SORCS3: variants seen among roughly 807,000 people sequenced by gnomAD.
SORCS3 encodes sortilin related VPS10 domain containing receptor 3, also known as VPS10 domain-containing receptor SorCS3.
SORCS3 carries 57 observed loss-of-function variants against 146.3 expected under a neutral mutation model. The ratio of observed to expected loss-of-function variants is 0.39; its 90% CI spans 0.31 to 0.49. The LOEUF (loss-of-function observed/expected upper bound fraction) is 0.49. Among genes scored for constraint, SORCS3 ranks in the 20% least tolerant of loss-of-function variants. The probability of loss-of-function intolerance (pLI) is 0.92; values close to 1 mark genes in which losing one functional copy is unlikely to be tolerated. For missense variants in SORCS3, 1,341 were observed against 1,575.5 expected, an observed-to-expected ratio of 0.85 and a Z score of 2.52; for synonymous variants, 653 against 618.5, an observed-to-expected ratio of 1.06 and a Z score of -0.83.
intron 4 of SORCS3, among the ~76,000 whole-genome samples, chr10:104,980,663 G>A (rs1481921155): frequency 3.9e-5 from 6 of 152,166 alleles, no homozygotes; most frequent in Admixed American, 2.6e-4. Flanking sequence ...CCATTATTGT[G>A]CCTTTGATGA....
At chr10:104,989,514 T>G (rs904334355) in intron 4 of SORCS3, among the ~76,000 whole-genome samples, 6 of 152,194 alleles carry the variant, frequency 3.9e-5, no homozygotes, top group African/African-American at 1.4e-4. Context: ...TCTGGAATTT[T>G]TCTTTTGTAA....
At chr10:105,014,156 T>C (rs1405921645) in intron 4 of SORCS3, among the ~76,000 whole-genome samples, 1 of 149,804 alleles carries the variant, frequency 6.7e-6, no homozygotes, top group Non-Finnish European at 1.5e-5. Context: ...ATAAAAAAAT[T>C]CGCATAGCAA....
At chr10:105,105,333 G>T in intron 6 of SORCS3, 64 bp from the exon 7 acceptor site, 1 of 1,004,514 alleles carries the variant, frequency 1.0e-6, no homozygotes, top group Non-Finnish European at 1.6e-6. Context: ...AGTTTTGTAT[G>T]CTACCTGGGG....
rs2015929357 is a variant in SORCS3 at position 104,677,904 on chromosome 10, A to G, written c.627+35950A>G. On this transcript the variant is annotated intron_variant, in intron 1 of 26. Coordinates refer to ENST00000369701, the MANE Select transcript of SORCS3 (RefSeq NM_014978.3). ...CTGCATATGCTTAGCAAAGAGGACCAATCTCATTATTACATTTAAAATATT... is the reference window on the plus strand; with the variant it reads ...CTGCATATGCTTAGCAAAGAGGACCGATCTCATTATTACATTTAAAATATT... Among the ~76,000 whole-genome samples the G allele has an allele frequency of 2.0e-5, 3 of 152,292 alleles. No homozygotes were observed. In the South Asian group the frequency reaches 6.2e-4, roughly 32 times the overall value.
chr10:104,911,245 C>T (rs576964158), intron 2 of SORCS3, among the ~76,000 whole-genome samples: 9 of 152,230 alleles, frequency 5.9e-5, no homozygotes, highest in Non-Finnish European at 1.0e-4. Flanking sequence ...GAGTCGAGGG[C>T]ACTGTTGGTT....
intron 16 of SORCS3, among the ~76,000 whole-genome samples, chr10:105,204,272 T>G (rs2119623435): frequency 6.6e-6 from 1 of 152,234 alleles, no homozygotes; most frequent in Admixed American, 6.5e-5. Context: ...AAGTGCAGAT[T>G]TAGTTAAATT....
intron 4 of SORCS3, among the ~76,000 whole-genome samples, chr10:105,019,654 A>C (rs1276809075): frequency 2.6e-5 from 4 of 152,180 alleles, no homozygotes; most frequent in African/African-American, 9.7e-5. Flanking sequence ...GCTATTTATC[A>C]AGTGTCTCCT....
At chr10:105,260,451 G>T (rs1228346297) in intron 25 of SORCS3, among the ~76,000 whole-genome samples, 1 of 152,210 alleles carries the variant, frequency 6.6e-6, no homozygotes, top group East Asian at 1.9e-4. Flanking sequence ...AGAGAGCCTA[G>T]TGTGCTGCCT....
intron 7 of SORCS3, among the ~76,000 whole-genome samples, chr10:105,111,848 A>G (rs11192318): frequency 0.19 from 29,284 of 152,142 alleles, 3,029 homozygotes; most frequent in Admixed American, 0.24. Context: ...ATGAGTACGA[A>G]TTAAGTAGGT....
intron 4 of SORCS3, among the ~76,000 whole-genome samples, chr10:105,018,695 A>G (rs994823574): frequency 6.6e-6 from 1 of 152,222 alleles, no homozygotes; most frequent in African/African-American, 2.4e-5. Flanking sequence ...ACAAAATTGA[A>G]TTGAATTGTC....
At chr10:104,656,094 C>A (rs1042448470) in intron 1 of SORCS3, among the ~76,000 whole-genome samples, 1 of 152,104 alleles carries the variant, frequency 6.6e-6, no homozygotes, top group South Asian at 2.1e-4. Flanking sequence ...AGGTACATGA[C>A]AACACTAGGG....
chr10:104,743,359 C>T (rs1351024405), intron 1 of SORCS3, among the ~76,000 whole-genome samples: 1 of 152,228 alleles, frequency 6.6e-6, no homozygotes, highest in Non-Finnish European at 1.5e-5. Flanking sequence ...CTCCTACAAG[C>T]TGCTAACAAT....
intron 20 of SORCS3, among the ~76,000 whole-genome samples, chr10:105,239,719 G>T (rs1421230340): frequency 6.6e-6 from 1 of 152,160 alleles, no homozygotes; most frequent in Admixed American, 6.5e-5. Context: ...GGCTCTGAAA[G>T]GCCAATTTGC....
At chr10:104,970,372 C>T (rs1364067539) in intron 3 of SORCS3, among the ~76,000 whole-genome samples, 1 of 152,156 alleles carries the variant, frequency 6.6e-6, no homozygotes, top group African/African-American at 2.4e-5. Context: ...GTCTTGAACT[C>T]CTGACCTGAA....
intron 2 of SORCS3, among the ~76,000 whole-genome samples, chr10:104,884,209 G>A (rs2018659496): frequency 6.6e-6 from 1 of 152,182 alleles, no homozygotes; most frequent in African/African-American, 2.4e-5. Context: ...TTGCAACCCT[G>A]CAGGTGATAA....
intron 1 of SORCS3, among the ~76,000 whole-genome samples, chr10:104,786,326 C>T (rs961339780): frequency 2.0e-5 from 3 of 150,446 alleles, no homozygotes; most frequent in African/African-American, 7.3e-5. Context: ...CCAAGGAAGG[C>T]AGATCACCTG....
Position 104,793,260 on chromosome 10 carries a change from C to T in SORCS3, c.628-49532C>T, listed in dbSNP as rs530868652. ...AATGAGTCTATATTCTTCCTTTTGC[C>T]CAAGGTCATACAGCCAGTAACCCGT... On this transcript the variant is annotated intron_variant, in intron 1 of 26. Transcript: ENST00000369701. 1.5e-3 allele frequency among the ~76,000 whole-genome samples: 229 copies of T among 152,110 alleles called. 3 individuals are homozygous for T. The highest frequency in any genetic ancestry group is 5.3e-3 in the African/African-American group (221 of 41,474).
At chr10:104,786,011 CTA>C (rs1241185832) in intron 1 of SORCS3, among the ~76,000 whole-genome samples, 1 of 152,154 alleles carries the variant, frequency 6.6e-6, no homozygotes, top group Non-Finnish European at 1.5e-5. Flanking sequence ...TTTTGTGAAT[CTA>C]TACTGAATAT....
At chr10:104,915,972 G>T in intron 3 of SORCS3, 40 bp downstream of exon 3, 1 of 1,487,422 alleles carries the variant, frequency 6.7e-7, no homozygotes. Context: ...ACTCCTGCTG[G>T]GTAGCTGTGC....
Sources: allele counts gnomAD v4.1 joint callset (sites outside exome capture counted in the v4.1 genomes callset), GRCh38; gene constraint gnomAD v4.1.1; transcripts MANE v1.5; gene names NCBI Gene and HGNC (gene_info 2026-07-23, HGNC 2026-07-21).